The following GALNT17 variants were observed in gnomAD, a reference collection of about 807,000 sequenced individuals.
GALNT17 encodes the protein UDP-GalNAc:polypeptide N-acetylgalactosaminyltransferase-like 3.
GALNT17 carries 29 observed loss-of-function variants against 63.7 expected under a neutral mutation model. The observed-to-expected ratio is 0.46, with a 90% CI of 0.34 to 0.62. The LOEUF (loss-of-function observed/expected upper bound fraction) is 0.62. GALNT17 is among the 20% of genes least tolerant of loss of function. The pLI, the probability that GALNT17 is intolerant of heterozygous loss-of-function variation, is 0.01. For missense variants in GALNT17, 603 were observed against 799.6 expected (o/e 0.75, Z 2.97); for synonymous variants, 305 against 318.3 (o/e 0.96, Z 0.45).
chr7:71,387,235 CA>C (rs1438777917), intron 2 of GALNT17, among the ~76,000 whole-genome samples: 2 of 123,784 alleles, frequency 1.6e-5, no homozygotes, highest in South Asian at 6.2e-4. Flanking sequence ...CTTTTAATGG[CA>C]AAAAAGTACT....
intron 3 of GALNT17, among the ~76,000 whole-genome samples, chr7:71,403,459 T>G (rs976099576): frequency 7.2e-5 from 11 of 152,230 alleles, no homozygotes; most frequent in African/African-American, 2.7e-4. Flanking sequence ...ACATCTGCTC[T>G]GATGTTATAT....
At chr7:71,296,718 GT>G (rs892285931) in intron 1 of GALNT17, among the ~76,000 whole-genome samples, 1 of 148,606 alleles carries the variant, frequency 6.7e-6, no homozygotes, top group Non-Finnish European at 1.5e-5. Context: ...AAAAAAACGT[GT>G]TTTTTTTTAG....
In GALNT17 at chr7:71,381,550, G is replaced by A. The variant is rs564613974; in HGVS notation, c.423-6685G>A. ...TCCCAGCACTTTGAGAGGCCGAGGC[G>A]GGCGGATCACCTGAGGTCAGGAGTT... On this transcript the variant is annotated intron_variant, in intron 2 of 10. Coordinates refer to ENST00000333538, the MANE Select transcript of GALNT17 (RefSeq NM_022479.3). Among the ~76,000 whole-genome samples the A allele has an allele frequency of 1.5e-4, 23 of 152,196 alleles. No homozygotes were observed. In the South Asian group the frequency reaches 4.8e-3, roughly 32 times the overall value.
At chr7:71,461,604 C>G (rs1258061245) in intron 5 of GALNT17, among the ~76,000 whole-genome samples, 5 of 152,168 alleles carry the variant, frequency 3.3e-5, no homozygotes, top group Admixed American at 1.3e-4. Flanking sequence ...CCTTTTTACT[C>G]AGTAGGGTGT....
At chr7:71,503,047 C>T (rs947256654) in intron 5 of GALNT17, among the ~76,000 whole-genome samples, 1 of 152,048 alleles carries the variant, frequency 6.6e-6, no homozygotes, top group Non-Finnish European at 1.5e-5. Context: ...ACTGTATTAC[C>T]CTCATCTGGA....
intron 1 of GALNT17, among the ~76,000 whole-genome samples, chr7:71,216,673 CAG>C (rs1449863922): frequency 7.0e-5 from 9 of 128,124 alleles, no homozygotes; most frequent in Non-Finnish European, 1.1e-4. Flanking sequence ...TATATACACA[CAG>C]ACACAAACAC....
At chr7:71,175,297 C>T (rs965293785) in intron 1 of GALNT17, among the ~76,000 whole-genome samples, 2 of 152,194 alleles carry the variant, frequency 1.3e-5, no homozygotes, top group Non-Finnish European at 2.9e-5. Context: ...TATCTATTAT[C>T]TATCTGTCTC....
chr7:71,300,582 A>T, intron 1 of GALNT17: 1 of 354,250 alleles, frequency 2.8e-6, no homozygotes, highest in South Asian at 2.1e-5. Context: ...TTTTCTACAC[A>T]CACACATGCA....
intron 5 of GALNT17, among the ~76,000 whole-genome samples, chr7:71,483,522 C>G (rs1391655827): frequency 6.6e-6 from 1 of 151,926 alleles, no homozygotes; most frequent in Admixed American, 6.6e-5. Flanking sequence ...TTACTGCACA[C>G]TACTGGAGGT....
In GALNT17 at chr7:71,692,986, A is replaced by T. The variant is rs975860048; in HGVS notation, c.1500+15680A>T. Among the ~76,000 whole-genome samples, 14 of 151,346 alleles carry T rather than the reference A, an allele frequency of 9.3e-5. No homozygotes were observed. The Admixed American group carries it at 9.3e-4, about 10-fold the overall frequency. On this transcript the variant is annotated intron_variant, in intron 9 of 10. Transcript: ENST00000333538. ...ACTCCTGACCTCAAGTGATCCGCCC[A>T]CCTCGGCCTCCCAAAGTGCATGAGC...
intron 1 of GALNT17, among the ~76,000 whole-genome samples, chr7:71,295,121 T>C (rs1294320046): frequency 6.6e-6 from 1 of 152,182 alleles, no homozygotes; most frequent in African/African-American, 2.4e-5. Context: ...ACACTTTCTA[T>C]ATGGTAATTC....
intron 6 of GALNT17, among the ~76,000 whole-genome samples, chr7:71,597,026 A>C (rs1159171825): frequency 6.6e-6 from 1 of 151,954 alleles, no homozygotes; most frequent in Non-Finnish European, 1.5e-5. Context: ...CATCTCTACA[A>C]AAAAAGGGTT....
intron 6 of GALNT17, among the ~76,000 whole-genome samples, chr7:71,578,809 C>T (rs1789580876): frequency 6.6e-6 from 1 of 152,124 alleles, no homozygotes; most frequent in African/African-American, 2.4e-5. Context: ...CCTCCTGATC[C>T]CCGCCCTAGC....
intron 1 of GALNT17, among the ~76,000 whole-genome samples, chr7:71,247,398 G>A (rs1052232335): frequency 3.9e-5 from 6 of 152,074 alleles, no homozygotes; most frequent in African/African-American, 1.4e-4. Context: ...TTACCTCCTT[G>A]GCAGTTGAAA....
At chr7:71,361,538 T>G (rs560004303) in intron 2 of GALNT17, among the ~76,000 whole-genome samples, 1 of 152,290 alleles carries the variant, frequency 6.6e-6, no homozygotes, top group South Asian at 2.1e-4. Context: ...GACACAGAGC[T>G]CAGAGCTTAA....
rs1791805784 is a variant in GALNT17 at position 71,712,200 on chromosome 7, C to G, written c.*54C>G. 6 of 1,584,196 alleles carry G rather than the reference C, an allele frequency of 3.8e-6. No homozygotes were observed. The highest frequency in any genetic ancestry group is 5.1e-6 in the Non-Finnish European group (6 of 1,165,518). On this transcript the variant is annotated 3_prime_UTR_variant, in exon 11 of 11. Transcript: ENST00000333538. ...GCCCCCAGGACATGGCTGCTCCCCC[C>G]AACATCTGGACCAGCTGCCCTGGCG...
intron 9 of GALNT17, among the ~76,000 whole-genome samples, chr7:71,689,177 A>C (rs541570660): frequency 2.0e-5 from 3 of 152,034 alleles, no homozygotes; most frequent in Admixed American, 6.6e-5. Context: ...CTCTCTCCCA[A>C]TTCTCGGGCC....
intron 2 of GALNT17, among the ~76,000 whole-genome samples, chr7:71,385,921 G>T (rs1329637228): frequency 6.6e-6 from 1 of 152,150 alleles, no homozygotes; most frequent in Admixed American, 6.5e-5. Flanking sequence ...ACAAAAATTG[G>T]CCAGGTGTGG....
chr7:71,499,277 T>C (rs1000692291), intron 5 of GALNT17, among the ~76,000 whole-genome samples: 6 of 152,204 alleles, frequency 3.9e-5, no homozygotes, highest in African/African-American at 1.4e-4. Context: ...ACTGGTATTT[T>C]GCATGAACCA....
Sources: allele counts gnomAD v4.1 joint callset (sites outside exome capture counted in the v4.1 genomes callset), GRCh38; gene constraint gnomAD v4.1.1; transcripts MANE v1.5; gene names NCBI Gene and HGNC (gene_info 2026-07-23, HGNC 2026-07-21).